IL34: variants seen among roughly 807,000 people sequenced by gnomAD.
The protein encoded by IL34 is interleukin-34.
Under a neutral mutation model 25.3 loss-of-function variants are expected in IL34, and 17 were observed. That is an observed-to-expected ratio of 0.67 (90% CI 0.46 to 1.01). The LOEUF is 1.01. Among genes scored for constraint, IL34 ranks in the 50% least tolerant of loss-of-function variants. The pLI is 0.00. For synonymous variants in IL34, 174 were observed against 140.9 expected (o/e 1.23, Z -1.66); for missense variants, 368 against 312.9 (o/e 1.18, Z -1.33).
At chr16:70,604,663 A>T (rs2050971125) in intron 1 of IL34, among the ~76,000 whole-genome samples, 1 of 152,238 alleles carries the variant, frequency 6.6e-6, no homozygotes, top group Admixed American at 6.5e-5. Context: ...GCAGTGGATC[A>T]GCCGTGCCAG....
Position 70,660,229 on chromosome 16 carries a change from C to T in IL34, c.*42C>T. Reference sequence around the variant, plus strand: ...CTGCGGATAGGGGCAGCCAGACCAGCTCCCACAGGAGTTCAACTGGGTCTG... The same window carrying T: ...CTGCGGATAGGGGCAGCCAGACCAGTTCCCACAGGAGTTCAACTGGGTCTG... On this transcript the variant is annotated 3_prime_UTR_variant, in exon 6 of 6. Coordinates refer to ENST00000288098, the MANE Select transcript of IL34 (RefSeq NM_001393494.1). 1.3e-6 allele frequency: 2 copies of T among 1,498,492 alleles called. No individual in the cohort carries two copies. The highest frequency in any genetic ancestry group is 1.8e-6 in the Non-Finnish European group (2 of 1,122,080). The allele number at this position is 1,498,492 out of a possible 1,614,324, so 92.8% of individuals were successfully genotyped here.
rs4985556 is a variant in IL34, at chr16:70,660,097, C to A, written c.639C>A (p.Tyr213Ter). 168,322 of 1,613,280 alleles carry A rather than the reference C, an allele frequency of 0.1. 9,629 individuals are homozygous for A. Among genetic ancestry groups the A allele is most frequent in the Non-Finnish European group, 0.12 (139,447 of 1,179,694 alleles). Residue 213 changes from tyrosine to a stop codon, truncating the protein, a stop_gained, in exon 6 of 6, where the codon TAC becomes TAA. Transcript: ENST00000288098. LOFTEE classifies it low-confidence loss of function (END_TRUNC). ...PSLQYAATQL[Y>*]PPPPWSPSSP... is the part of the protein sequence containing the mutation. Reference sequence around the variant, plus strand: ...TGCAGTATGCGGCCACCCAGCTGTACCCTCCGCCCCCGTGGTCCCCCAGCT... The same window carrying A: ...TGCAGTATGCGGCCACCCAGCTGTAACCTCCGCCCCCGTGGTCCCCCAGCT...
intron 2 of IL34, among the ~76,000 whole-genome samples, chr16:70,654,965 C>A (rs990350415): frequency 5.3e-5 from 8 of 152,198 alleles, no homozygotes; most frequent in Non-Finnish European, 8.8e-5. Context: ...TTTGACAAAC[C>A]CCAGGCACTT....
chr16:70,628,148 A>C (rs1000134704), intron 1 of IL34, among the ~76,000 whole-genome samples: 2 of 152,102 alleles, frequency 1.3e-5, no homozygotes, highest in Non-Finnish European at 1.5e-5. Flanking sequence ...GTGTGTGTGT[A>C]GTGGTAATTA....
rs147598646 is a variant in IL34 at position 70,638,446 on chromosome 16, T to A, written c.-400-8102T>A. On this transcript the variant is annotated intron_variant, in intron 1 of 6. Transcript: ENST00000429149. ...GTGAAGATCCTATCAAAAAAAAAAA[T>A]AAAGAAAAAAGAAAAAAAGAAAAGA... 6.2e-3 allele frequency among the ~76,000 whole-genome samples: 919 copies of A among 149,396 alleles called. 8 individuals carry two copies. The highest frequency in any genetic ancestry group is 0.017 in the Middle Eastern group (5 of 292).
chr16:70,631,586 G>A (rs1020018203), intron 1 of IL34, among the ~76,000 whole-genome samples: 1 of 151,962 alleles, frequency 6.6e-6, no homozygotes, highest in Non-Finnish European at 1.5e-5. Context: ...AGAGTCTCTG[G>A]GCTGTTATAA....
intron 1 of IL34, among the ~76,000 whole-genome samples, chr16:70,621,614 T>C (rs2051283838): frequency 6.6e-6 from 1 of 152,086 alleles, no homozygotes; most frequent in Middle Eastern, 3.2e-3. Context: ...CCAAATTTCA[T>C]GCGCGTCCGT....
At chr16:70,657,150 G>GGTGTGTGTGTGTGCACACGT (rs2052251266) in intron 4 of IL34, 29 bp downstream of exon 4, 1 of 1,602,650 alleles carries the variant, frequency 6.2e-7, no homozygotes, top group South Asian at 1.1e-5. Context: ...TGGCAGGTGG[G>GGTGTGTGTGTGTGCACACGT]GTGTGTGTGT....
intron 1 of IL34, among the ~76,000 whole-genome samples, chr16:70,606,576 A>AT (rs1443118724): frequency 2.0e-5 from 3 of 151,416 alleles, no homozygotes; most frequent in African/African-American, 4.9e-5. Context: ...GTCATTTTAG[A>AT]TTCGTTTGGA....
At chr16:70,584,708 T>TC (rs937310747) in intron 1 of IL34, among the ~76,000 whole-genome samples, 1 of 125,922 alleles carries the variant, frequency 7.9e-6, no homozygotes, top group African/African-American at 3.8e-5. Context: ...TCTCTCTCTC[T>TC]TTTTTTTTTT....
chr16:70,619,763 G>A (rs2051241396), intron 1 of IL34, among the ~76,000 whole-genome samples: 1 of 152,158 alleles, frequency 6.6e-6, no homozygotes, highest in African/African-American at 2.4e-5. Flanking sequence ...GAAGGAGTCA[G>A]TCAGAGAGCC....
intron 1 of IL34, among the ~76,000 whole-genome samples, chr16:70,600,969 TAG>T (rs1310907225): frequency 6.9e-6 from 1 of 143,912 alleles, no homozygotes; most frequent in Non-Finnish European, 1.5e-5. Flanking sequence ...CTGGGAGAAG[TAG>T]GGGATGCTGG....
At position 70,623,710 on chromosome 16, in the gene IL34, A is replaced by G. The variant is rs1391998664; in HGVS notation, c.-400-22838A>G. On this transcript the variant is annotated intron_variant, in intron 1 of 6. Transcript: ENST00000429149. ...GGGAAGAAGGGTGGCAATGAGATGT[A>G]GCTGTAGTCCAGGAATAGTCAGGGA... Among the ~76,000 whole-genome samples, 81 of 151,882 alleles carry G rather than the reference A, an allele frequency of 5.3e-4. 1 individual carries two copies. Among genetic ancestry groups the G allele is most frequent in the African/African-American group, 1.9e-3 (78 of 41,368 alleles).
intron 1 of IL34, among the ~76,000 whole-genome samples, chr16:70,622,691 G>A (rs561837591): frequency 3.3e-5 from 5 of 152,044 alleles, no homozygotes; most frequent in Non-Finnish European, 5.9e-5. Flanking sequence ...ATTGAAGTCC[G>A]GGCCAGGAAC....
At chr16:70,656,520 A>T in intron 2 of IL34, 82 bp from the exon 3 acceptor site, 1 of 840,990 alleles carries the variant, frequency 1.2e-6, no homozygotes, top group Non-Finnish European at 2.1e-6. Context: ...CTAACTGTTA[A>T]AAAAAACATC....
At chr16:70,619,094 G>A (rs962551151) in intron 1 of IL34, among the ~76,000 whole-genome samples, 1 of 152,172 alleles carries the variant, frequency 6.6e-6, no homozygotes, top group Non-Finnish European at 1.5e-5. Context: ...AGGCTTGTCT[G>A]GTTTTAGGAC....
intron 1 of IL34, among the ~76,000 whole-genome samples, chr16:70,592,490 G>A (rs939641748): frequency 6.6e-6 from 1 of 152,104 alleles, no homozygotes; most frequent in African/African-American, 2.4e-5. Flanking sequence ...CCCAGAGGAG[G>A]AAGCTTGGCA....
In IL34 at chr16:70,638,017, A is replaced by T. The variant is rs900607492; in HGVS notation, c.-400-8531A>T. On this transcript the variant is annotated intron_variant, in intron 1 of 6. Coordinates refer to the IL34 transcript ENST00000429149. ...CAGCAGTGCAATGGATATCCCAGGC[A>T]TTCAGCTTTGTTGTCTTCTTTAAAA... is the stretch of plus-strand genomic sequence containing the variant. Among the ~76,000 whole-genome samples, 26 of 152,152 alleles carry T rather than the reference A, an allele frequency of 1.7e-4. 1 individual carries two copies. Among genetic ancestry groups the T allele is most frequent in the Admixed American group, 6.6e-5 (1 of 15,254 alleles).
At chr16:70,594,164 T>C (rs2050788695) in intron 1 of IL34, among the ~76,000 whole-genome samples, 1 of 152,160 alleles carries the variant, frequency 6.6e-6, no homozygotes, top group Non-Finnish European at 1.5e-5. Flanking sequence ...CAAAATAACT[T>C]TCTGGGATTT....
Sources: gnomAD v4.1 joint callset for allele counts (sites outside exome capture counted in the v4.1 genomes callset) on GRCh38, gnomAD v4.1.1 for gene constraint, MANE v1.5 for transcripts, NCBI Gene and HGNC (gene_info 2026-07-23, HGNC 2026-07-21) for gene names.